PAFAH1B1: variants seen among roughly 807,000 people sequenced by gnomAD.
The protein encoded by PAFAH1B1 is platelet-activating factor acetylhydrolase IB subunit beta.
A neutral mutation model predicts 57.5 loss-of-function variants in PAFAH1B1; 2 were observed. The ratio of observed to expected loss-of-function variants is 0.03; its 90% confidence interval spans 0.01 to 0.11. The LOEUF is 0.11. PAFAH1B1 is among the 10% of genes least tolerant of loss of function. PAFAH1B1 has a pLI of 1.00. For synonymous variants in PAFAH1B1, 152 were observed against 169.6 expected (o/e 0.90, Z 0.81); for missense variants, 257 against 512.0 (o/e 0.50, Z 4.81).
chr17:2,614,780 G>A (rs975092335), intron 1 of PAFAH1B1, among the ~76,000 whole-genome samples: 1 of 151,816 alleles, frequency 6.6e-6, no homozygotes, highest in Non-Finnish European at 1.5e-5. Context: ...TTAGAGATGA[G>A]TCTTGCTGCG....
chr17:2,663,695 C>T (rs957725259), intron 2 of PAFAH1B1, among the ~76,000 whole-genome samples: 10 of 100,668 alleles, frequency 9.9e-5, no homozygotes, highest in Admixed American at 5.6e-4. Flanking sequence ...TGCTAAAATT[C>T]TCTGGATTTT....
chr17:2,637,774 G>C (rs1288812407), intron 1 of PAFAH1B1, among the ~76,000 whole-genome samples: 2 of 151,950 alleles, frequency 1.3e-5, no homozygotes, highest in Non-Finnish European at 2.9e-5. Flanking sequence ...TTTACTTTTT[G>C]TCTCTAAGAG....
intron 2 of PAFAH1B1, chr17:2,641,180 C>T (rs1384182847): frequency 6.6e-6 from 1 of 152,072 alleles, no homozygotes; most frequent in Non-Finnish European, 1.5e-5. Context: ...GATGGAGTCT[C>T]ACTCTATTAC....
chr17:2,670,412 T>G, intron 6 of PAFAH1B1, 81 bp downstream of exon 6: 1 of 1,277,960 alleles, frequency 7.8e-7, no homozygotes, highest in Non-Finnish European at 1.1e-6. Context: ...CAGTGTACAG[T>G]GTTCCTTTAT....
At chr17:2,619,110 G>A (rs1421528893) in intron 1 of PAFAH1B1, among the ~76,000 whole-genome samples, 1 of 151,898 alleles carries the variant, frequency 6.6e-6, no homozygotes, top group Non-Finnish European at 1.5e-5. Context: ...TTTAGCTGGG[G>A]TTTTTTGTTT....
intron 2 of PAFAH1B1, chr17:2,640,305 A>G (rs2068678623): frequency 6.7e-6 from 1 of 150,242 alleles, no homozygotes; most frequent in African/African-American, 2.5e-5. Context: ...CCCATCCAGG[A>G]TCAGGTATTT....
chr17:2,647,956 A>T (rs2068790603), intron 2 of PAFAH1B1, among the ~76,000 whole-genome samples: 1 of 152,168 alleles, frequency 6.6e-6, no homozygotes, highest in South Asian at 2.1e-4. Context: ...GTGATCCGAG[A>T]TCATGCCGCT....
rs575432164 is a variant in PAFAH1B1, at chr17:2,670,145, T to G, written c.400-18T>G. On this transcript the variant is annotated intron_variant, in intron 5 of 10. Coordinates refer to ENST00000397195, the MANE Select transcript of PAFAH1B1 (RefSeq NM_000430.4). ...AGTGATGGAGTTGGTGTTAACCAAT[T>G]TTCTGTTCACTTGACAGGTGTGGGA... 1 of 1,613,378 alleles carries G rather than the reference T, an allele frequency of 6.2e-7. No individual in the cohort carries two copies. The highest frequency in any genetic ancestry group is 1.3e-5 in the African/African-American group (1 of 75,024).
In PAFAH1B1 at chr17:2,647,213, C is replaced by T. The variant is rs539152147; in HGVS notation, c.32+8893C>T. Among the ~76,000 whole-genome samples the T allele has an allele frequency of 2.0e-4, 30 of 152,080 alleles. 1 individual carries two copies. The South Asian group carries it at 6.2e-3, about 32-fold the overall frequency. On this transcript the variant is annotated intron_variant, in intron 2 of 10. Coordinates refer to ENST00000397195, the MANE Select transcript of PAFAH1B1 (RefSeq NM_000430.4). ...AAAAATACAAAAATTAGCTGGGCGT[C>T]GTGGTGCACACCTGTAGTCCCAGCT...
chr17:2,645,997 A>G (rs1299762255), intron 2 of PAFAH1B1, among the ~76,000 whole-genome samples: 1 of 152,140 alleles, frequency 6.6e-6, no homozygotes, highest in Non-Finnish European at 1.5e-5. Context: ...ACTGATAACA[A>G]AAACCTATCA....
At chr17:2,636,479 C>G (rs576368611) in intron 1 of PAFAH1B1, among the ~76,000 whole-genome samples, 1 of 152,182 alleles carries the variant, frequency 6.6e-6, no homozygotes, top group South Asian at 2.1e-4. Flanking sequence ...TTGAGACGGA[C>G]TCTTCCTCTG....
At chr17:2,670,484 C>A in intron 6 of PAFAH1B1, 153 bp downstream of exon 6, 1 of 749,982 alleles carries the variant, frequency 1.3e-6, no homozygotes, top group African/African-American at 1.7e-5. Context: ...AGGGATAAGC[C>A]ACAGTAGTTG....
intron 10 of PAFAH1B1, chr17:2,680,791 A>G (rs1248925476): frequency 1.3e-5 from 3 of 227,954 alleles, no homozygotes; most frequent in Non-Finnish European, 2.7e-5. Flanking sequence ...TAATAAATGC[A>G]CTAAAGTATA....
In PAFAH1B1 at chr17:2,642,696, G is replaced by A. The variant is rs149598265; in HGVS notation, c.32+4376G>A. ...ACATCCGGGAAAGGATTGAGAATTC[G>A]CATGCAGCTCTGCTCCTGCCTGTCC... is the stretch of plus-strand genomic sequence containing the variant. On this transcript the variant is annotated intron_variant, in intron 2 of 10. Coordinates refer to ENST00000397195, the MANE Select transcript of PAFAH1B1 (RefSeq NM_000430.4). Among the ~76,000 whole-genome samples the A allele has an allele frequency of 4.7e-3, 708 of 152,220 alleles. 6 individuals are homozygous for A. Among genetic ancestry groups the A allele is most frequent in the African/African-American group, 0.016 (683 of 41,536 alleles).
chr17:2,614,621 C>T (rs1597518927), intron 1 of PAFAH1B1, among the ~76,000 whole-genome samples: 2 of 151,962 alleles, frequency 1.3e-5, no homozygotes, highest in South Asian at 2.1e-4. Context: ...GTTGCCTAGG[C>T]GGGAGTGCAG....
At chr17:2,633,729 C>CT (rs1158140518) in intron 1 of PAFAH1B1, among the ~76,000 whole-genome samples, 7 of 152,092 alleles carry the variant, frequency 4.6e-5, no homozygotes, top group African/African-American at 1.7e-4. Flanking sequence ...CCCATCCAAC[C>CT]TTACTTTGCT....
chr17:2,605,202 G>A (rs958116893), intron 1 of PAFAH1B1, among the ~76,000 whole-genome samples: 1 of 152,190 alleles, frequency 6.6e-6, no homozygotes, highest in Non-Finnish European at 1.5e-5. Flanking sequence ...AGGAGGTCCG[G>A]TTGTGAATGA....
At position 2,603,257 on chromosome 17, in the gene PAFAH1B1, T is replaced by G. The variant is rs532441902; in HGVS notation, c.-191+9251T>G. On this transcript the variant is annotated intron_variant, in intron 1 of 10. Transcript: ENST00000397195. ...CTGCAAATCCTGGGCTCAAGCAGTC[T>G]TCTTGCCTCAGCCTCCTGAGTAGCT... 3.3e-5 allele frequency among the ~76,000 whole-genome samples: 5 copies of G among 152,302 alleles called. No individual in the cohort carries two copies. The South Asian group carries it at 1.0e-3, about 32-fold the overall frequency.
At chr17:2,609,352 C>A (rs1252726086) in intron 1 of PAFAH1B1, among the ~76,000 whole-genome samples, 1 of 151,818 alleles carries the variant, frequency 6.6e-6, no homozygotes, top group Non-Finnish European at 1.5e-5. Context: ...TCCAGTGGAA[C>A]AAGTTGCTGG....
Sources: allele counts gnomAD v4.1 joint callset (sites outside exome capture counted in the v4.1 genomes callset), GRCh38; gene constraint gnomAD v4.1.1; transcripts MANE v1.5; gene names NCBI Gene and HGNC (gene_info 2026-07-23, HGNC 2026-07-21).